DAOA: variants seen among roughly 807,000 people sequenced by gnomAD.
The protein encoded by DAOA is D-amino acid oxidase activator.
A neutral mutation model predicts 16.4 loss-of-function variants in DAOA; 15 were observed. That is an observed-to-expected ratio of 0.91 (90% confidence interval 0.61 to 1.41). The LOEUF (loss-of-function observed/expected upper bound fraction) is 1.41, where lower values mean the gene tolerates loss of function less well. Among genes scored for constraint, DAOA ranks in the 40% most tolerant of loss-of-function variants. The probability of loss-of-function intolerance (pLI) is 0.00; values close to 1 mark genes in which losing one functional copy is unlikely to be tolerated. For missense variants in DAOA, 230 were observed against 176.8 expected (o/e 1.30, Z -1.71); for synonymous variants, 75 against 59.1 (o/e 1.27, Z -1.23).
chr13:105,466,276 G>A lies in DAOA; in HGVS notation c.-13G>A. 1.2e-6 allele frequency: 2 copies of A among 1,614,008 alleles called. No homozygotes were observed. The highest frequency in any genetic ancestry group is 1.7e-6 in the Non-Finnish European group (2 of 1,179,940). ...GCTTCACAATGCCGATGATTTAGCT[G>A]GGAGGACCCAAAATGCTGGAAAAGC... On this transcript the variant is annotated 5_prime_UTR_variant, in exon 2 of 6. Coordinates refer to ENST00000375936, the MANE Select transcript of DAOA (RefSeq NM_172370.5).
intron 4 of DAOA, among the ~76,000 whole-genome samples, chr13:105,476,159 C>T (rs574902302): frequency 3.6e-4 from 54 of 152,086 alleles, no homozygotes; most frequent in Non-Finnish European, 2.2e-4. Flanking sequence ...CATTTTAACT[C>T]ACGATGTGGG....
At chr13:105,489,854 G>A (rs1374463263) in intron 4 of DAOA, 47 bp from the exon 5 acceptor site, 6 of 1,613,562 alleles carry the variant, frequency 3.7e-6, no homozygotes, top group Middle Eastern at 1.7e-4. Flanking sequence ...CGGTGATGAG[G>A]TTACCTTTCA....
At chr13:105,471,210 G>A (rs117665285) in intron 3 of DAOA, among the ~76,000 whole-genome samples, 2,128 of 152,254 alleles carry the variant, frequency 0.014, 42 homozygotes, top group Admixed American at 0.044. Context: ...TAGAAGATGT[G>A]AGCCACCACA....
intron 2 of DAOA, among the ~76,000 whole-genome samples, chr13:105,466,801 C>A (rs1012057913): frequency 6.6e-6 from 1 of 152,010 alleles, no homozygotes; most frequent in African/African-American, 2.4e-5. Flanking sequence ...GCCAGTAAGA[C>A]CTGGAGTGAA....
At chr13:105,470,965 T>A (rs58995026) in intron 3 of DAOA, among the ~76,000 whole-genome samples, 5,667 of 152,140 alleles carry the variant, frequency 0.037, 140 homozygotes, top group South Asian at 0.064. Context: ...TAATTTTTTG[T>A]TTTTAGTACA....
rs1343722281 is a variant in DAOA, at chr13:105,467,025, C to A, written c.45-28C>A. ...TCTGCAGGGTATAAAGGAATCTGAACACGACTGATATTTTCTTTAATTTTT... is the reference window on the plus strand; with the variant it reads ...TCTGCAGGGTATAAAGGAATCTGAAAACGACTGATATTTTCTTTAATTTTT... On this transcript the variant is annotated intron_variant, in intron 2 of 5. Transcript: ENST00000375936. 4 of 1,604,118 alleles carry A rather than the reference C, an allele frequency of 2.5e-6. No individual in the cohort carries two copies. The East Asian group carries it at 9.0e-5, about 36-fold the overall frequency.
At chr13:105,474,915 T>A (rs1877232005) in intron 4 of DAOA, 9 of 630,338 alleles carry the variant, frequency 1.4e-5, no homozygotes, top group Non-Finnish European at 1.8e-5. Flanking sequence ...ATGATAAATC[T>A]GAAATTAAGC....
intron 3 of DAOA, among the ~76,000 whole-genome samples, chr13:105,471,342 T>TAG (rs57138561): frequency 6.6e-6 from 1 of 152,174 alleles, no homozygotes; most frequent in Middle Eastern, 3.2e-3. Flanking sequence ...GTGAAGGATA[T>TAG]GAGTCGAATA....
In DAOA at chr13:105,467,278, A is replaced by T. The variant is rs1876591691; in HGVS notation, c.133+137A>T. 5 of 985,948 alleles carry T rather than the reference A, an allele frequency of 5.1e-6. No individual in the cohort carries two copies. The South Asian group carries it at 7.9e-5, about 15-fold the overall frequency. 61.1% of individuals were successfully genotyped at this position (985,948 alleles called of 1,614,324 possible). ...TTAATTTGTAAGATACAGGAAGAAA[A>T]TTTTTCCAGTTAAAATGTACCTCTT... On this transcript the variant is annotated intron_variant, in intron 3 of 5. Coordinates refer to ENST00000375936, the MANE Select transcript of DAOA (RefSeq NM_172370.5).
intron 4 of DAOA, among the ~76,000 whole-genome samples, chr13:105,486,781 G>A (rs1261204028): frequency 6.6e-6 from 1 of 151,868 alleles, no homozygotes; most frequent in African/African-American, 2.4e-5. Context: ...ACCAAGCCTG[G>A]ATAATTTTTG....
At chr13:105,478,597 T>C (rs74825697) in intron 4 of DAOA, among the ~76,000 whole-genome samples, 5,660 of 152,312 alleles carry the variant, frequency 0.037, 138 homozygotes, top group South Asian at 0.063. Flanking sequence ...TGCCTACATT[T>C]AGACTAGAAC....
At chr13:105,466,902 A>G (rs1203780737) in intron 2 of DAOA, 151 bp from the exon 3 acceptor site, 1 of 1,070,396 alleles carries the variant, frequency 9.3e-7, no homozygotes, top group Non-Finnish European at 1.2e-6. Flanking sequence ...AAAATAAAAA[A>G]ATAAGACGTA....
chr13:105,471,180 C>G (rs558639337), intron 3 of DAOA, among the ~76,000 whole-genome samples: 1 of 152,184 alleles, frequency 6.6e-6, no homozygotes, highest in Non-Finnish European at 1.5e-5. Context: ...CCCCCTTGGC[C>G]TCCCAAAGTG....
chr13:105,472,694 CT>C lies in DAOA; in HGVS notation c.281+11del. 6.3e-7 allele frequency: 1 copy of C among 1,590,964 alleles called. No homozygotes were observed. The highest frequency in any genetic ancestry group is 8.5e-7 in the Non-Finnish European group (1 of 1,169,690). ...CCTCAGCCCTATGCAGAGTATGTAT[CT>C]TCTTCATTTTAAACTTTTAACCAGG... On this transcript the variant is annotated intron_variant, in intron 4 of 5. Coordinates refer to ENST00000375936, the MANE Select transcript of DAOA (RefSeq NM_172370.5).
chr13:105,473,099 C>A (rs1877089258), intron 4 of DAOA, among the ~76,000 whole-genome samples: 2 of 151,974 alleles, frequency 1.3e-5, no homozygotes, highest in East Asian at 1.9e-4. Flanking sequence ...TAAGCCTGCC[C>A]ATACACAACA....
At chr13:105,466,450 T>C (rs1876522819) in intron 2 of DAOA, 118 bp downstream of exon 2, 3 of 1,542,352 alleles carry the variant, frequency 1.9e-6, no homozygotes, top group Admixed American at 1.8e-5. Context: ...CATGTCAGGG[T>C]TGGAAGCCTG....
At chr13:105,489,714 G>C (rs1878372957) in intron 4 of DAOA, 187 bp from the exon 5 acceptor site, 1 of 1,306,076 alleles carries the variant, frequency 7.7e-7, no homozygotes, top group African/African-American at 1.5e-5. Context: ...GTGGCAGTTA[G>C]ACCCTAAGTG....
chr13:105,474,775 C>T (rs1465798101), intron 4 of DAOA, among the ~76,000 whole-genome samples: 3 of 152,018 alleles, frequency 2.0e-5, no homozygotes, highest in African/African-American at 4.8e-5. Context: ...TGGAGAAAAG[C>T]CAGAGTCAAA....
intron 2 of DAOA, 120 bp downstream of exon 2, chr13:105,466,452 G>T (rs546165986): frequency 6.6e-7 from 1 of 1,511,202 alleles, no homozygotes. Context: ...TGTCAGGGTT[G>T]GAAGCCTGAG....
Sources: allele counts gnomAD v4.1 joint callset (sites outside exome capture counted in the v4.1 genomes callset), GRCh38; gene constraint gnomAD v4.1.1; transcripts MANE v1.5; gene names NCBI Gene and HGNC (gene_info 2026-07-23, HGNC 2026-07-21).